Variants in FLNC observed in about 807,000 individuals in gnomAD.
FLNC encodes filamin-C.
In FLNC, 91 loss-of-function variants were observed where a neutral mutation model predicts 254.3. The ratio of observed to expected loss-of-function variants is 0.36; its 90% CI spans 0.30 to 0.43. The LOEUF is 0.43. Among genes scored for constraint, FLNC ranks in the 20% least tolerant of loss-of-function variants. The pLI, the probability that FLNC is intolerant of heterozygous loss-of-function variation, is 1.00. For synonymous variants in FLNC, 1,430 were observed against 1,577.2 expected (o/e 0.91, Z 2.21); for missense variants, 2,853 against 3,802.6 (o/e 0.75, Z 6.57).
chr7:128,832,437 A>G (rs1404942911), intron 1 of FLNC, among the ~76,000 whole-genome samples: 1 of 152,208 alleles, frequency 6.6e-6, no homozygotes, highest in Non-Finnish European at 1.5e-5. Flanking sequence ...TTTGAAAGGC[A>G]GGACTGACTG....
chr7:128,838,771 C>A lies in FLNC; in HGVS notation c.1379C>A (p.Thr460Asn). The change falls in exon 8 of 48, where the codon ACC (threonine) becomes AAC (asparagine). Residue 460 changes from threonine (T) to asparagine (N), a missense_variant. Thr to Asn is a moderately conservative substitution (Grantham distance 65, BLOSUM62 0). This residue lies in a region of FLNC where 1,573 missense variants were observed against 1,883.5 expected (regional missense o/e 0.84). Coordinates refer to ENST00000325888, the MANE Select transcript of FLNC (RefSeq NM_001458.5). Reference protein sequence around the residue: ...VHVAFAGAPITRSPFPVHVSE... With the variant: ...VHVAFAGAPINRSPFPVHVSE... ...GTGGCCTTTGCGGGTGCCCCCATCACCCGCAGTCCCTTCCCTGTCCATGTG... is the reference window on the plus strand; with the variant it reads ...GTGGCCTTTGCGGGTGCCCCCATCAACCGCAGTCCCTTCCCTGTCCATGTG... The A allele has an allele frequency of 1.9e-6, 3 of 1,612,968 alleles. No individual in the cohort carries two copies. Among genetic ancestry groups the A allele is most frequent in the South Asian group, 2.2e-5 (2 of 91,088 alleles).
At position 128,830,859 on chromosome 7, in the gene FLNC, C is replaced by T; in HGVS notation, c.222C>T (p.Leu74=). The T allele has an allele frequency of 6.2e-7, 1 of 1,613,078 alleles. No homozygotes were observed. Among genetic ancestry groups the T allele is most frequent in the East Asian group, 2.2e-5 (1 of 44,862 alleles). ...LSDGLRLIAL[L]EVLSQKRMYR... ...ACGGGCTCCGGCTCATCGCGCTGCTCGAGGTGCTCAGCCAGAAGCGCATGT... is the reference window on the plus strand; with the variant it reads ...ACGGGCTCCGGCTCATCGCGCTGCTTGAGGTGCTCAGCCAGAAGCGCATGT... The change falls in exon 1 of 48, where the codon CTC becomes CTT. Residue 74 remains leucine (L), a synonymous_variant. Coordinates refer to ENST00000325888, the MANE Select transcript of FLNC (RefSeq NM_001458.5).
rs777580254 is a variant in FLNC, at chr7:128,842,894, C to T, written c.2490C>T (p.Thr830=). The part of the protein sequence containing the change: ...DIIKNDNDTF[T]VKYTPPGAGR... ...TCAAGAATGACAACGACACCTTCACCGTCAAGTACACGCCACCAGGGGCGG... is the reference window on the plus strand; with the variant it reads ...TCAAGAATGACAACGACACCTTCACTGTCAAGTACACGCCACCAGGGGCGG... The change falls in exon 16 of 48, where the codon ACC becomes ACT. Residue 830 remains threonine, a synonymous_variant. Coordinates refer to ENST00000325888, the MANE Select transcript of FLNC (RefSeq NM_001458.5). This position sits in a 1 kb window ranked among gnomAD's most constrained non-coding sequence, Gnocchi z 5.4. 2.5e-5 allele frequency: 40 copies of T among 1,613,892 alleles called. No individual in the cohort carries two copies. Among genetic ancestry groups the T allele is most frequent in the African/African-American group, 6.7e-5 (5 of 74,922 alleles).
rs1473548034 is a variant in FLNC, at chr7:128,836,188, G to T, written c.601+614G>T. 6.6e-6 allele frequency among the ~76,000 whole-genome samples: 1 copy of T among 152,308 alleles called. No individual in the cohort carries two copies. Among genetic ancestry groups the T allele is most frequent in the East Asian group, 1.9e-4 (1 of 5,188 alleles). ...GGACAGCTCAGGGGCCATGAAAAAA[G>T]CTGAGGCATCACTGGCTAGAGCGTA... On this transcript the variant is annotated intron_variant, in intron 2 of 47. Transcript: ENST00000325888. The surrounding 1 kb of genome is among the most constrained non-coding windows in gnomAD (Gnocchi z 6.0).
At position 128,842,712 on chromosome 7, in the gene FLNC, G is replaced by C; in HGVS notation, c.2389+14G>C. ...AGGCGGGGCAAGGTGCGCCCAGCCG[G>C]AAGGGGTGGGTCTGGGAGGGGGCGG... On this transcript the variant is annotated intron_variant, in intron 15 of 47. Coordinates refer to ENST00000325888, the MANE Select transcript of FLNC (RefSeq NM_001458.5). The surrounding 1 kb of genome is among the most constrained non-coding windows in gnomAD (Gnocchi z 5.4). The C allele has an allele frequency of 6.8e-7, 1 of 1,461,254 alleles. No homozygotes were observed. The highest frequency in any genetic ancestry group is 9.3e-7 in the Non-Finnish European group (1 of 1,071,408). 90.5% of individuals were successfully genotyped at this position (1,461,254 alleles called of 1,614,324 possible). A position where few individuals can be genotyped will look rare whatever the true frequency, so the allele number is the denominator to read the frequency against.
chr7:128,845,306 G>A (rs1471732914), intron 21 of FLNC, 51 bp downstream of exon 21: 2 of 1,469,336 alleles, frequency 1.4e-6, no homozygotes, highest in Admixed American at 1.7e-5. Flanking sequence ...TGCAGGAGCT[G>A]GGTAGTCCGT....
In FLNC at chr7:128,836,210, C is replaced by T. The variant is rs1033572668; in HGVS notation, c.601+636C>T. ...AAAGCTGAGGCATCACTGGCTAGAGCGTACCCCATGGACAGCTCCCTTTCT... is the reference window on the plus strand; with the variant it reads ...AAAGCTGAGGCATCACTGGCTAGAGTGTACCCCATGGACAGCTCCCTTTCT... On this transcript the variant is annotated intron_variant, in intron 2 of 47. Transcript: ENST00000325888. The surrounding 1 kb of genome is among the most constrained non-coding windows in gnomAD (Gnocchi z 6.0). Among the ~76,000 whole-genome samples the T allele has an allele frequency of 6.6e-6, 1 of 152,206 alleles. No individual in the cohort carries two copies. Among genetic ancestry groups the T allele is most frequent in the Non-Finnish European group, 1.5e-5 (1 of 68,026 alleles).
At position 128,848,512 on chromosome 7, in the gene FLNC, G is replaced by A. The variant is rs111827653; in HGVS notation, c.4581-49G>A. The A allele has an allele frequency of 5.1e-4, 785 of 1,554,350 alleles. 7 individuals carry two copies. The African/African-American group carries it at 9.5e-3, about 19-fold the overall frequency. On this transcript the variant is annotated intron_variant, in intron 26 of 47. Coordinates refer to ENST00000325888, the MANE Select transcript of FLNC (RefSeq NM_001458.5). ...GCTCAAGATGAGATCACCCCCCACCGCCCCGTCCATGCCACCCAGCCAACT... is the reference window on the plus strand; with the variant it reads ...GCTCAAGATGAGATCACCCCCCACCACCCCGTCCATGCCACCCAGCCAACT...
In FLNC at chr7:128,852,808, C is replaced by T. The variant is rs1275228599; in HGVS notation, c.6005-20C>T. The T allele has an allele frequency of 6.2e-7, 1 of 1,613,782 alleles. No individual in the cohort carries two copies. Among genetic ancestry groups the T allele is most frequent in the African/African-American group, 1.3e-5 (1 of 75,060 alleles). The stretch of plus-strand genomic sequence containing the variant: ...GGTGGGGGCCCACAGGATGCTCTGC[C>T]TAACACCCACTTTCCACAGGGATCT... On this transcript the variant is annotated intron_variant, in intron 36 of 47. Coordinates refer to ENST00000325888, the MANE Select transcript of FLNC (RefSeq NM_001458.5).
At position 128,854,076 on chromosome 7, in the gene FLNC, C is replaced by A; in HGVS notation, c.6587C>A (p.Thr2196Lys). ...ACGGAGCGCACGGAGATCAGCAAGACGCGGGGCGGGGAGACAAAGCGCGAG... is the reference window on the plus strand; with the variant it reads ...ACGGAGCGCACGGAGATCAGCAAGAAGCGGGGCGGGGAGACAAAGCGCGAG... ...TRTERTEISK[T>K]RGGETKREVR... The change falls in exon 40 of 48, where the codon ACG (threonine) becomes AAG (lysine). Residue 2196 changes from threonine (T) to lysine (K), a missense_variant. By Grantham distance (78) the Thr-to-Lys change is moderately conservative (BLOSUM62 -1). Coordinates refer to ENST00000325888, the MANE Select transcript of FLNC (RefSeq NM_001458.5). The A allele has an allele frequency of 6.2e-7, 1 of 1,613,180 alleles. No individual in the cohort carries two copies. The highest frequency in any genetic ancestry group is 8.5e-7 in the Non-Finnish European group (1 of 1,179,972).
rs1367245869 is a variant in FLNC, at chr7:128,842,893, C to T, written c.2489C>T (p.Thr830Ile). ...DIIKNDNDTF[T>I]VKYTPPGAGR... ...ATCAAGAATGACAACGACACCTTCACCGTCAAGTACACGCCACCAGGGGCG... is the reference window on the plus strand; with the variant it reads ...ATCAAGAATGACAACGACACCTTCATCGTCAAGTACACGCCACCAGGGGCG... The change falls in exon 16 of 48, where the codon ACC (threonine) becomes ATC (isoleucine). Residue 830 changes from threonine (T) to isoleucine (I), a missense_variant. Physicochemically the swap from Thr to Ile is moderately conservative, Grantham distance 89. Coordinates refer to ENST00000325888, the MANE Select transcript of FLNC (RefSeq NM_001458.5). This position sits in a 1 kb window ranked among gnomAD's most constrained non-coding sequence, Gnocchi z 5.4. 2.5e-6 allele frequency: 4 copies of T among 1,613,950 alleles called. No individual in the cohort carries two copies. The highest frequency in any genetic ancestry group is 1.3e-5 in the African/African-American group (1 of 74,936).
In FLNC at chr7:128,852,075, A is replaced by C. The variant is rs373149627; in HGVS notation, c.5842+447A>C. On this transcript the variant is annotated intron_variant, in intron 35 of 47. Coordinates refer to ENST00000325888, the MANE Select transcript of FLNC (RefSeq NM_001458.5). ...GAGACAGGGTTTCACCGTGTTAGCC[A>C]GGATGGTCTCGATCTCCTGACCTTG... Among the ~76,000 whole-genome samples, 52 of 152,294 alleles carry C rather than the reference A, an allele frequency of 3.4e-4. 1 individual carries two copies. In the South Asian group the frequency reaches 8.1e-3, roughly 24 times the overall value.
rs545282331 is a variant in FLNC at position 128,835,024 on chromosome 7, C to T, written c.353-302C>T. Among the ~76,000 whole-genome samples the T allele has an allele frequency of 1.9e-4, 29 of 152,298 alleles. No individual in the cohort carries two copies. The highest frequency in any genetic ancestry group is 5.9e-4 in the Admixed American group (9 of 15,292). The stretch of plus-strand genomic sequence containing the variant: ...GCTCTGCCCTGGGAGCCTTACAATC[C>T]CACAAGGCCAGAAAGAAACCAGGTA... On this transcript the variant is annotated intron_variant, in intron 1 of 47. Transcript: ENST00000325888. This position sits in a 1 kb window ranked among gnomAD's most constrained non-coding sequence, Gnocchi z 5.3.
At chr7:128,831,023 G>A in intron 1 of FLNC, 34 bp downstream of exon 1, 2 of 1,592,904 alleles carry the variant, frequency 1.3e-6, no homozygotes, top group Non-Finnish European at 1.7e-6. Flanking sequence ...GGGCGCTGCG[G>A]GGATAGGGTC....
intron 9 of FLNC, 149 bp from the exon 10 acceptor site, chr7:128,840,399 G>A: frequency 2.8e-6 from 3 of 1,087,532 alleles, no homozygotes; most frequent in Non-Finnish European, 4.1e-6. Flanking sequence ...GGGATGACAA[G>A]TGTTCCCTGC....
chr7:128,843,617 G>A (rs554043933), intron 18 of FLNC, 40 bp downstream of exon 18: 18 of 1,610,360 alleles, frequency 1.1e-5, no homozygotes, highest in African/African-American at 4.0e-5. Context: ...CGGCCGGCCC[G>A]CCAGAGCCCT....
chr7:128,833,018 C>T (rs993623832), intron 1 of FLNC, among the ~76,000 whole-genome samples: 1 of 152,188 alleles, frequency 6.6e-6, no homozygotes, highest in African/African-American at 2.4e-5. Context: ...AAAGACTCCC[C>T]ACTTCTCTTT....
chr7:128,845,307 G>A, intron 21 of FLNC, 52 bp downstream of exon 21: 1 of 1,444,424 alleles, frequency 6.9e-7, no homozygotes, highest in Non-Finnish European at 9.6e-7. Context: ...GCAGGAGCTG[G>A]GTAGTCCGTG....
At position 128,841,653 on chromosome 7, in the gene FLNC, C is replaced by A; in HGVS notation, c.2121+86C>A. On this transcript the variant is annotated intron_variant, in intron 13 of 47. Coordinates refer to ENST00000325888, the MANE Select transcript of FLNC (RefSeq NM_001458.5). This position sits in a 1 kb window ranked among gnomAD's most constrained non-coding sequence, Gnocchi z 4.3. ...GGCCAGGCCAGAGGCAGAGGCCTCC[C>A]AGCAGGAAATGACAGCATCACAGAA... 1.0e-6 allele frequency: 1 copy of A among 972,758 alleles called. No individual in the cohort carries two copies. 60.3% of individuals were successfully genotyped at this position (972,758 alleles called of 1,614,324 possible).
Sources: allele counts gnomAD v4.1 joint callset (sites outside exome capture counted in the v4.1 genomes callset), GRCh38; gene constraint gnomAD v4.1.1; regional missense constraint gnomAD v4.1.1; non-coding constraint Gnocchi (gnomAD v3.1); transcripts MANE v1.5; gene names NCBI Gene and HGNC (gene_info 2026-07-23, HGNC 2026-07-21).